Variants in ARHGAP31 observed in about 807,000 individuals in gnomAD.
ARHGAP31 encodes the protein Rho GTPase activating protein 31, also known as rho GTPase-activating protein 31.
In ARHGAP31, 34 loss-of-function variants were observed where a neutral mutation model predicts 113.9. That is an observed-to-expected ratio of 0.30 (90% CI 0.23 to 0.40). The LOEUF (loss-of-function observed/expected upper bound fraction) is 0.40. ARHGAP31 is among the 10% of genes least tolerant of loss of function. The probability of loss-of-function intolerance (pLI) is 1.00; values close to 1 mark genes in which losing one functional copy is unlikely to be tolerated. For synonymous variants in ARHGAP31, 650 were observed against 684.8 expected (o/e 0.95, Z 0.79); for missense variants, 1,548 against 1,767.1 (o/e 0.88, Z 2.22).
intron 1 of ARHGAP31, among the ~76,000 whole-genome samples, chr3:119,302,617 A>G (rs2107593449): frequency 6.6e-6 from 1 of 152,366 alleles, no homozygotes; most frequent in African/African-American, 2.4e-5. Flanking sequence ...TATCTTTAAG[A>G]ATTGGGCATT....
At chr3:119,300,289 G>C (rs78645508) in intron 1 of ARHGAP31, among the ~76,000 whole-genome samples, 20,384 of 152,214 alleles carry the variant, frequency 0.13, 1,539 homozygotes, top group Non-Finnish European at 0.17. Context: ...ATGGCACCCT[G>C]AGTTTAACCT....
chr3:119,400,153 C>T (rs987862759), intron 9 of ARHGAP31, among the ~76,000 whole-genome samples: 24 of 152,098 alleles, frequency 1.6e-4, no homozygotes, highest in Admixed American at 1.0e-3. Context: ...AAACCCGGGC[C>T]GGGTGTGGTG....
chr3:119,384,846 T>G (rs1394849965), intron 6 of ARHGAP31, among the ~76,000 whole-genome samples: 1 of 152,066 alleles, frequency 6.6e-6, no homozygotes, highest in African/African-American at 2.4e-5. Flanking sequence ...TGGCAACCAC[T>G]AATCTACTTT....
At chr3:119,321,434 A>G (rs1018210571) in intron 1 of ARHGAP31, among the ~76,000 whole-genome samples, 1 of 149,636 alleles carries the variant, frequency 6.7e-6, no homozygotes, top group Non-Finnish European at 1.5e-5. Flanking sequence ...TTTTAGAAAG[A>G]AAAAAATACT....
At chr3:119,306,904 A>C (rs2079635764) in intron 1 of ARHGAP31, among the ~76,000 whole-genome samples, 1 of 152,214 alleles carries the variant, frequency 6.6e-6, no homozygotes, top group East Asian at 1.9e-4. Flanking sequence ...TCAACACTGA[A>C]GATACATTTT....
chr3:119,303,473 G>A (rs903315158), intron 1 of ARHGAP31, among the ~76,000 whole-genome samples: 2 of 152,198 alleles, frequency 1.3e-5, no homozygotes, highest in Admixed American at 1.3e-4. Context: ...CTGGGATCGA[G>A]TCTCAGGCAC....
intron 10 of ARHGAP31, among the ~76,000 whole-genome samples, chr3:119,407,147 A>G (rs192003508): frequency 8.5e-4 from 130 of 152,162 alleles, no homozygotes; most frequent in African/African-American, 2.8e-3. Context: ...GGGGTTTGAG[A>G]CCAGCCTGGC....
At position 119,416,269 on chromosome 3, in the gene ARHGAP31, G is replaced by A. The variant is rs2080777145; in HGVS notation, c.*5G>A. 3 of 1,613,038 alleles carry A rather than the reference G, an allele frequency of 1.9e-6. No homozygotes were observed. Among genetic ancestry groups the A allele is most frequent in the South Asian group, 1.1e-5 (1 of 91,040 alleles). ...AGTGGGAGGCAAATAGAATGATTTCGGTTCACCTGCTGGTGTCTGAAAAAA... is the reference window on the plus strand; with the variant it reads ...AGTGGGAGGCAAATAGAATGATTTCAGTTCACCTGCTGGTGTCTGAAAAAA... On this transcript the variant is annotated 3_prime_UTR_variant, in exon 12 of 12. Coordinates refer to ENST00000264245, the MANE Select transcript of ARHGAP31 (RefSeq NM_020754.4).
At chr3:119,350,352 G>T (rs2107616380) in intron 1 of ARHGAP31, among the ~76,000 whole-genome samples, 1 of 152,308 alleles carries the variant, frequency 6.6e-6, no homozygotes, top group Non-Finnish European at 1.5e-5. Context: ...GGGGCACAGC[G>T]AGGAACTGAT....
chr3:119,343,346 C>A (rs770828956), intron 1 of ARHGAP31, among the ~76,000 whole-genome samples: 2 of 152,184 alleles, frequency 1.3e-5, no homozygotes, highest in Non-Finnish European at 2.9e-5. Context: ...CTTCCCTCAG[C>A]CCCTAATTTC....
Position 119,409,645 on chromosome 3 carries a change from T to C in ARHGAP31, c.1795T>C (p.Leu599=). The change falls in exon 11 of 12, where the codon TTA becomes CTA. Residue 599 remains leucine, a synonymous_variant. Coordinates refer to ENST00000264245, the MANE Select transcript of ARHGAP31 (RefSeq NM_020754.4). ...TPESSLSSQH[L]NELEKRPNPE... ...AGAAAGCTCCTTGAGCTCTCAACATTTAAATGAATTAGAGAAGAGGCCAAA... is the reference window on the plus strand; with the variant it reads ...AGAAAGCTCCTTGAGCTCTCAACATCTAAATGAATTAGAGAAGAGGCCAAA... 1 of 1,612,788 alleles carries C rather than the reference T, an allele frequency of 6.2e-7. No homozygotes were observed. The highest frequency in any genetic ancestry group is 8.5e-7 in the Non-Finnish European group (1 of 1,179,454).
At position 119,303,787 on chromosome 3, in the gene ARHGAP31, TTG is replaced by T. The variant is rs1491392927; in HGVS notation, c.100+8785_100+8786del. On this transcript the variant is annotated intron_variant, in intron 1 of 11. Transcript: ENST00000264245. ...CTTTCCCCAGCTCTTTTCATGTTTT[TTG>T]TTGTTGTTGTTGTTGTTGTTGTTGA... 7.4e-4 allele frequency among the ~76,000 whole-genome samples: 111 copies of T among 150,464 alleles called. 2 individuals are homozygous for T. The highest frequency in any genetic ancestry group is 2.5e-3 in the African/African-American group (101 of 40,578).
chr3:119,312,014 T>C (rs1385594777), intron 1 of ARHGAP31, among the ~76,000 whole-genome samples: 2 of 152,220 alleles, frequency 1.3e-5, no homozygotes, highest in African/African-American at 2.4e-5. Context: ...GGTGACAGTA[T>C]CTATCTGCCT....
rs1266611962 is a variant in ARHGAP31 at position 119,383,231 on chromosome 3, G to T, written c.682+5G>T. 3 of 1,614,040 alleles carry T rather than the reference G, an allele frequency of 1.9e-6. No homozygotes were observed. Among genetic ancestry groups the T allele is most frequent in the Non-Finnish European group, 2.5e-6 (3 of 1,179,974 alleles). On this transcript the variant is annotated splice_donor_5th_base_variant and intron_variant, in intron 6 of 11. Transcript: ENST00000264245. ...CTGGGTCTCTGGAGAATGATGGTAAGGACTCCTCCTAGCATACACTCCACC... is the reference window on the plus strand; with the variant it reads ...CTGGGTCTCTGGAGAATGATGGTAATGACTCCTCCTAGCATACACTCCACC...
At chr3:119,304,074 G>C (rs1216757312) in intron 1 of ARHGAP31, among the ~76,000 whole-genome samples, 1 of 152,150 alleles carries the variant, frequency 6.6e-6, no homozygotes, top group Non-Finnish European at 1.5e-5. Context: ...GATTACAGGT[G>C]TAAGCCACCG....
intron 1 of ARHGAP31, among the ~76,000 whole-genome samples, chr3:119,354,637 G>A (rs1218603834): frequency 2.0e-5 from 3 of 150,858 alleles, no homozygotes; most frequent in Admixed American, 6.6e-5. Flanking sequence ...TCAGCCTCCC[G>A]AGTAGCTGGT....
intron 1 of ARHGAP31, among the ~76,000 whole-genome samples, chr3:119,337,614 G>A (rs970086503): frequency 6.6e-5 from 10 of 152,108 alleles, no homozygotes; most frequent in African/African-American, 1.2e-4. Flanking sequence ...TGATTGGTCC[G>A]TTTTACAGAG....
At chr3:119,359,734 G>T (rs190529434) in intron 1 of ARHGAP31, among the ~76,000 whole-genome samples, 2 of 152,020 alleles carry the variant, frequency 1.3e-5, no homozygotes, top group East Asian at 1.9e-4. Context: ...CTTGGATTCT[G>T]GGGGGGAAAC....
intron 1 of ARHGAP31, chr3:119,329,871 G>A (rs1305091794): frequency 2.0e-6 from 2 of 985,368 alleles, no homozygotes; most frequent in Non-Finnish European, 2.4e-6. Context: ...AAGCCTCATT[G>A]TGTGAGTCCT....
Sources: gnomAD v4.1 joint callset for allele counts (sites outside exome capture counted in the v4.1 genomes callset) on GRCh38, gnomAD v4.1.1 for gene constraint, MANE v1.5 for transcripts, NCBI Gene and HGNC (gene_info 2026-07-23, HGNC 2026-07-21) for gene names.